CCDC32: variants seen among roughly 807,000 people sequenced by gnomAD.
The protein encoded by CCDC32 is coiled-coil domain-containing protein 32.
A neutral mutation model predicts 20.1 loss-of-function variants in CCDC32; 9 were observed. The ratio of observed to expected loss-of-function variants is 0.45; its 90% CI spans 0.27 to 0.78. The LOEUF is 0.78. Among genes scored for constraint, CCDC32 ranks in the 30% least tolerant of loss-of-function variants. The pLI is 0.16. For missense variants in CCDC32, 204 were observed against 215.5 expected (o/e 0.95, Z 0.33); for synonymous variants, 63 against 79.0 (o/e 0.80, Z 1.07).
chr15:40,547,406 G>T (rs1306007780), intron 3 of CCDC32, among the ~76,000 whole-genome samples: 1 of 152,200 alleles, frequency 6.6e-6, no homozygotes, highest in Non-Finnish European at 1.5e-5. Context: ...CCGAGCTTCA[G>T]CAGTGGGACT....
chr15:40,546,760 G>A (rs1889637811), intron 3 of CCDC32, among the ~76,000 whole-genome samples: 1 of 150,062 alleles, frequency 6.7e-6, no homozygotes, highest in South Asian at 2.1e-4. Flanking sequence ...GGAGTGTAGT[G>A]GGGCCATCTC....
chr15:40,556,837 C>CAG (rs1555414870), intron 3 of CCDC32: 2 of 111,150 alleles, frequency 1.8e-5, no homozygotes, highest in East Asian at 2.4e-4. Context: ...GATTCCATCT[C>CAG]AAAAAAAAAA....
downstream of CCDC32, among the ~76,000 whole-genome samples, chr15:40,524,807 G>T (rs148254894): frequency 8.8e-4 from 114 of 129,982 alleles, no homozygotes; most frequent in African/African-American, 3.4e-3. Flanking sequence ...GTTTTCTACA[G>T]CCTCGACCTC....
At chr15:40,561,738 G>A (rs966312910) in intron 2 of CCDC32, among the ~76,000 whole-genome samples, 3 of 152,030 alleles carry the variant, frequency 2.0e-5, no homozygotes, top group Admixed American at 6.6e-5. Context: ...GCACACGCCT[G>A]TAATCCCAGC....
intron 2 of CCDC32, among the ~76,000 whole-genome samples, chr15:40,560,930 T>G (rs1890577899): frequency 6.6e-6 from 1 of 152,200 alleles, no homozygotes; most frequent in African/African-American, 2.4e-5. Flanking sequence ...TGTTTCATAA[T>G]TCATAATTGC....
At chr15:40,552,771 C>CAAAAAAAAAAAAAAA (rs10675441), downstream of CCDC32, 8 of 68,778 alleles carry the variant, frequency 1.2e-4, 2 homozygotes, top group African/African-American at 2.0e-4. Flanking sequence ...AGTGCGACCT[C>CAAAAAAAAAAAAAAA]AAAAAAAAAA....
chr15:40,561,231 C>G (rs1252656145), intron 2 of CCDC32, among the ~76,000 whole-genome samples: 1 of 151,792 alleles, frequency 6.6e-6, no homozygotes, highest in Non-Finnish European at 1.5e-5. Context: ...TCCCAGCACT[C>G]TGGGAGGCCG....
Position 40,554,025 on chromosome 15 carries a change from T to C in CCDC32, c.504A>G (p.Pro168=). 6.2e-7 allele frequency: 1 copy of C among 1,613,282 alleles called. No homozygotes were observed. Among genetic ancestry groups the C allele is most frequent in the Non-Finnish European group, 8.5e-7 (1 of 1,179,802 alleles). The change falls in exon 4 of 4, where the codon CCA becomes CCG. Residue 168 remains proline, a synonymous_variant. Transcript: ENST00000416810. Reference sequence around the variant, plus strand: ...CGGCTGCTGGCTCGTCCTCGGCCACTGGCTTCTCAACCTGTGACTCTGGAG... The same window carrying C: ...CGGCTGCTGGCTCGTCCTCGGCCACCGGCTTCTCAACCTGTGACTCTGGAG... ...LIPPESQVEK[P]VAEDEPAAGD... is the part of the protein sequence containing the mutation.
In CCDC32 at chr15:40,553,903, G is replaced by A. The variant is rs1053430846; in HGVS notation, c.*68C>T. 13 of 1,356,994 alleles carry A rather than the reference G, an allele frequency of 9.6e-6. No individual in the cohort carries two copies. The African/African-American group carries it at 1.1e-4, about 11-fold the overall frequency. 84.1% of individuals were successfully genotyped at this position (1,356,994 alleles called of 1,614,324 possible). On this transcript the variant is annotated 3_prime_UTR_variant, in exon 4 of 4. Coordinates refer to ENST00000416810, the MANE Select transcript of CCDC32 (RefSeq NM_001080792.4). Reference sequence around the variant, plus strand: ...CGCTCTGGACCCGAGACAGCTGCTCGGCGTGTGTGTGTGTGTGTGTGTGTG... The same window carrying A: ...CGCTCTGGACCCGAGACAGCTGCTCAGCGTGTGTGTGTGTGTGTGTGTGTG...
At chr15:40,539,175 C>T, downstream of CCDC32, 17 of 1,393,738 alleles carry the variant, frequency 1.2e-5, no homozygotes, top group Non-Finnish European at 1.7e-5. Context: ...TCAAACCTGA[C>T]ACCACAGAAA....
chr15:40,522,646 C>T, the CCDC32 span, among the ~76,000 whole-genome samples: 1 of 152,068 alleles, frequency 6.6e-6, no homozygotes, highest in African/African-American at 2.4e-5. Context: ...TGTTACTGGG[C>T]AGGGAGCTTA....
intron 3 of CCDC32, among the ~76,000 whole-genome samples, chr15:40,546,480 C>T (rs1186253711): frequency 6.6e-6 from 1 of 152,006 alleles, no homozygotes; most frequent in Non-Finnish European, 1.5e-5. Context: ...TGAGCCACCA[C>T]GTCCAGCCCC....
At chr15:40,525,026 C>A (rs889655618), downstream of CCDC32, among the ~76,000 whole-genome samples, 2 of 151,500 alleles carry the variant, frequency 1.3e-5, no homozygotes, top group African/African-American at 4.9e-5. Context: ...CCATGCCCAG[C>A]CAAGCTGTTC....
downstream of CCDC32, chr15:40,536,728 A>G (rs1479923991): frequency 6.6e-6 from 1 of 152,270 alleles, no homozygotes; most frequent in East Asian, 1.9e-4. Context: ...AAGAACAAGT[A>G]CTCAATGAGC....
downstream of CCDC32, among the ~76,000 whole-genome samples, chr15:40,548,144 CT>C (rs1889698298): frequency 6.6e-6 from 1 of 152,264 alleles, no homozygotes; most frequent in East Asian, 1.9e-4. Flanking sequence ...ATTTGGTTGC[CT>C]TGTGGCCTTG....
intron 1 of CCDC32, 113 bp downstream of exon 1, chr15:40,564,863 C>T: frequency 6.4e-7 from 1 of 1,568,906 alleles, no homozygotes; most frequent in South Asian, 1.1e-5. Context: ...GCTCAGGTCT[C>T]TAGGGCTGTC....
chr15:40,557,543 C>T lies in CCDC32; in HGVS notation c.245-171G>A, dbSNP rs973420293. On this transcript the variant is annotated intron_variant, in intron 2 of 3. Transcript: ENST00000416810. ...GATAAAAGGGAATTGAACATTCTTC[C>T]TTTTTCCTTCACAAAGTCCTCACCC... The T allele has an allele frequency of 4.7e-5, 28 of 601,474 alleles. No homozygotes were observed. The African/African-American group carries it at 5.2e-4, about 11-fold the overall frequency. 37.3% of individuals were successfully genotyped at this position (601,474 alleles called of 1,614,324 possible). A position where few individuals can be genotyped will look rare whatever the true frequency, so the allele number is the denominator to read the frequency against.
downstream of CCDC32, among the ~76,000 whole-genome samples, chr15:40,524,146 C>CTTTTTTT (rs66753325): frequency 1.1e-5 from 1 of 89,138 alleles, no homozygotes; most frequent in Non-Finnish European, 2.1e-5. Flanking sequence ...CATGCATAAT[C>CTTTTTTT]TTTTTTTTTT....
chr15:40,529,440 G>C (rs905159224), intron 3 of CCDC32: 7 of 152,244 alleles, frequency 4.6e-5, no homozygotes, highest in African/African-American at 1.7e-4. Flanking sequence ...GAGAGAAAAA[G>C]CAGAGGGAGA....
Sources: gnomAD v4.1 joint callset for allele counts (sites outside exome capture counted in the v4.1 genomes callset) on GRCh38, gnomAD v4.1.1 for gene constraint, MANE v1.5 for transcripts, NCBI Gene and HGNC (gene_info 2026-07-23, HGNC 2026-07-21) for gene names.